ALDH1A2: variants seen among roughly 807,000 people sequenced by gnomAD.
ALDH1A2 encodes retinal dehydrogenase 2.
In ALDH1A2, 27 loss-of-function variants were observed where a neutral mutation model predicts 60.3. That is an observed-to-expected ratio of 0.45 (90% CI 0.33 to 0.62). The LOEUF is 0.62. Among genes scored for constraint, ALDH1A2 ranks in the 20% least tolerant of loss-of-function variants. The pLI is 0.02. For missense variants in ALDH1A2, 581 were observed against 643.8 expected, an observed-to-expected ratio of 0.90 and a Z score of 1.06; for synonymous variants, 289 against 232.4, an observed-to-expected ratio of 1.24 and a Z score of -2.21.
intron 4 of ALDH1A2, among the ~76,000 whole-genome samples, chr15:58,003,456 G>A (rs1895342959): frequency 6.6e-6 from 1 of 151,876 alleles, no homozygotes; most frequent in Non-Finnish European, 1.5e-5. Flanking sequence ...AGGTTAAACT[G>A]GAAGAGGGTG....
intron 4 of ALDH1A2, among the ~76,000 whole-genome samples, chr15:58,009,188 T>C (rs763700543): frequency 5.9e-5 from 9 of 152,108 alleles, no homozygotes; most frequent in Non-Finnish European, 8.8e-5. Context: ...ACCCTTGTCA[T>C]ACCACACCTA....
intron 4 of ALDH1A2, among the ~76,000 whole-genome samples, chr15:57,998,944 A>G (rs1895159209): frequency 1.3e-5 from 2 of 152,114 alleles, no homozygotes; most frequent in African/African-American, 4.8e-5. Flanking sequence ...AAAACAAACA[A>G]TGGGGAAAGG....
intron 1 of ALDH1A2, among the ~76,000 whole-genome samples, chr15:58,027,196 A>G (rs1896104100): frequency 6.6e-6 from 1 of 152,196 alleles, no homozygotes; most frequent in Admixed American, 6.5e-5. Context: ...ATTAGGCAGC[A>G]ATATTTGCTG....
At chr15:58,007,704 A>G (rs1469277464) in intron 4 of ALDH1A2, among the ~76,000 whole-genome samples, 1 of 152,018 alleles carries the variant, frequency 6.6e-6, no homozygotes, top group African/African-American at 2.4e-5. Flanking sequence ...TTCCCAACAT[A>G]AAATTAGGTT....
chr15:57,973,953 T>TC (rs1387497843), intron 7 of ALDH1A2, among the ~76,000 whole-genome samples: 7 of 152,116 alleles, frequency 4.6e-5, no homozygotes, highest in Non-Finnish European at 1.0e-4. Flanking sequence ...TTTCCCAAAT[T>TC]CTCCCTTCTC....
chr15:58,051,605 T>C (rs1164524348), intron 1 of ALDH1A2, among the ~76,000 whole-genome samples: 1 of 152,138 alleles, frequency 6.6e-6, no homozygotes, highest in African/African-American at 2.4e-5. Context: ...CATAACTACA[T>C]GAGAGGCCTA....
chr15:58,028,903 G>C (rs1595676866), intron 1 of ALDH1A2, among the ~76,000 whole-genome samples: 1 of 152,082 alleles, frequency 6.6e-6, no homozygotes. Context: ...CATGAAGCAA[G>C]TCCTTAGAGA....
chr15:57,999,579 C>T (rs1181094725), intron 4 of ALDH1A2, among the ~76,000 whole-genome samples: 2 of 151,766 alleles, frequency 1.3e-5, no homozygotes, highest in Non-Finnish European at 2.9e-5. Context: ...AACACTGTTC[C>T]TATTTCCCAC....
chr15:58,007,459 G>A (rs1895497191), intron 4 of ALDH1A2, among the ~76,000 whole-genome samples: 1 of 151,952 alleles, frequency 6.6e-6, no homozygotes, highest in African/African-American at 2.4e-5. Flanking sequence ...TCATGGCTTA[G>A]GCAGAACAAC....
At position 58,058,894 on chromosome 15, in the gene ALDH1A2, T is replaced by G. The variant is rs115027927; in HGVS notation, c.117+6640A>C. ...TTAACCACATTCTACAGAGGTCAAT[T>G]AATCCCCACGTTTAGCCCCAGGGAA... is the stretch of plus-strand genomic sequence containing the variant. On this transcript the variant is annotated intron_variant, in intron 1 of 12. Transcript: ENST00000249750. 5.1e-3 allele frequency among the ~76,000 whole-genome samples: 781 copies of G among 152,272 alleles called. 7 individuals carry two copies. The highest frequency in any genetic ancestry group is 0.018 in the African/African-American group (728 of 41,558).
intron 1 of ALDH1A2, among the ~76,000 whole-genome samples, chr15:58,058,841 G>C (rs1268153135): frequency 6.6e-6 from 1 of 152,170 alleles, no homozygotes; most frequent in East Asian, 1.9e-4. Flanking sequence ...ATAAAAATTA[G>C]AAAGTTCACA....
At chr15:58,029,439 G>T (rs531460769) in intron 1 of ALDH1A2, among the ~76,000 whole-genome samples, 2 of 152,278 alleles carry the variant, frequency 1.3e-5, no homozygotes, top group African/African-American at 4.8e-5. Flanking sequence ...ACAAGAGAAA[G>T]CAGGAAAGAT....
chr15:58,027,547 G>A (rs148363841), intron 1 of ALDH1A2, among the ~76,000 whole-genome samples: 148 of 152,248 alleles, frequency 9.7e-4, no homozygotes, highest in African/African-American at 3.3e-3. Flanking sequence ...CTGTGAATGA[G>A]TTTGATGAGT....
At chr15:58,036,403 C>G (rs1265154428) in intron 1 of ALDH1A2, among the ~76,000 whole-genome samples, 4 of 151,538 alleles carry the variant, frequency 2.6e-5, no homozygotes, top group African/African-American at 9.7e-5. Flanking sequence ...CAACTATTAA[C>G]CTTTTAAAAT....
At chr15:58,032,058 A>G (rs1896254558) in intron 1 of ALDH1A2, among the ~76,000 whole-genome samples, 1 of 152,210 alleles carries the variant, frequency 6.6e-6, no homozygotes, top group Non-Finnish European at 1.5e-5. Flanking sequence ...ATGCACACGT[A>G]TGTTTATCGC....
chr15:57,992,781 C>G lies in ALDH1A2; in HGVS notation c.722G>C (p.Gly241Ala). 4 of 1,614,112 alleles carry G rather than the reference C, an allele frequency of 2.5e-6. No homozygotes were observed. Among genetic ancestry groups the G allele is most frequent in the Non-Finnish European group, 3.4e-6 (4 of 1,179,996 alleles). The change falls in exon 7 of 13, where the codon GGA becomes GCA. Residue 241 changes from glycine to alanine, a missense_variant. Coordinates refer to ENST00000249750, the MANE Select transcript of ALDH1A2 (RefSeq NM_003888.4). ...FPPGVINILP[G>A]YGPTAGAAIA... Reference sequence around the variant, plus strand: ...TGCTGCCCCAGCCGTTGGCCCATATCCTGGCAAAATATTGATGACCCCGGG... The same window carrying G: ...TGCTGCCCCAGCCGTTGGCCCATATGCTGGCAAAATATTGATGACCCCGGG...
chr15:58,003,401 G>A (rs1014718685), intron 4 of ALDH1A2, among the ~76,000 whole-genome samples: 1 of 151,808 alleles, frequency 6.6e-6, no homozygotes, highest in Non-Finnish European at 1.5e-5. Context: ...CAAAATCTTA[G>A]GATCTGAATC....
At chr15:58,049,148 T>G (rs1896710631) in intron 1 of ALDH1A2, among the ~76,000 whole-genome samples, 1 of 152,120 alleles carries the variant, frequency 6.6e-6, no homozygotes, top group African/African-American at 2.4e-5. Flanking sequence ...ATCTTGTGGT[T>G]TGGTTCTTTT....
At chr15:57,981,627 C>T (rs1238109141) in intron 7 of ALDH1A2, among the ~76,000 whole-genome samples, 1 of 152,104 alleles carries the variant, frequency 6.6e-6, no homozygotes, top group African/African-American at 2.4e-5. Flanking sequence ...AAACAATTCG[C>T]CAAAAGTCAC....
Sources: allele counts gnomAD v4.1 joint callset (sites outside exome capture counted in the v4.1 genomes callset), GRCh38; gene constraint gnomAD v4.1.1; transcripts MANE v1.5; gene names NCBI Gene and HGNC (gene_info 2026-07-23, HGNC 2026-07-21).